The following SPIDR variants were observed in gnomAD, a reference collection of about 807,000 sequenced individuals.
The protein encoded by SPIDR is DNA repair-scaffolding protein.
A neutral mutation model predicts 104.6 loss-of-function variants in SPIDR; 93 were observed. That is an observed-to-expected ratio of 0.89 (90% CI 0.75 to 1.06). The LOEUF is 1.06. SPIDR is among the 50% of genes least tolerant of loss of function. The pLI is 0.00. For synonymous variants in SPIDR, 431 were observed against 416.9 expected, an observed-to-expected ratio of 1.03 and a Z score of -0.41; for missense variants, 1,154 against 1,111.2, an observed-to-expected ratio of 1.04 and a Z score of -0.55.
chr8:47,611,766 A>G (rs992303028), intron 10 of SPIDR, among the ~76,000 whole-genome samples: 1 of 152,276 alleles, frequency 6.6e-6, no homozygotes. Flanking sequence ...ATTACAATTA[A>G]TATAGAACTG....
Position 47,673,793 on chromosome 8 carries a change from T to G in SPIDR, c.1545-8T>G, listed in dbSNP as rs761541007. 1 of 1,614,094 alleles carries G rather than the reference T, an allele frequency of 6.2e-7. No homozygotes were observed. On this transcript the variant is annotated splice_polypyrimidine_tract_variant and splice_region_variant and intron_variant, in intron 10 of 19. Transcript: ENST00000297423. ...TCCTCAAAGACAAATGTGAATGGTTTTTTACAGAGCCTGCCTTCTGGTACA... is the reference window on the plus strand; with the variant it reads ...TCCTCAAAGACAAATGTGAATGGTTGTTTACAGAGCCTGCCTTCTGGTACA...
intron 8 of SPIDR, among the ~76,000 whole-genome samples, chr8:47,471,325 C>CAAAA (rs35332610): frequency 1.8e-5 from 2 of 110,726 alleles, no homozygotes; most frequent in Non-Finnish European, 1.8e-5. Flanking sequence ...AATTCAATGT[C>CAAAA]AAAAAAAAAA....
chr8:47,629,590 T>A (rs1319864640), intron 10 of SPIDR, among the ~76,000 whole-genome samples: 1 of 152,140 alleles, frequency 6.6e-6, no homozygotes, highest in Non-Finnish European at 1.5e-5. Context: ...CCTTCTCTAC[T>A]AAAGATACAA....
intron 11 of SPIDR, among the ~76,000 whole-genome samples, chr8:47,697,013 C>T (rs878894291): frequency 1.3e-5 from 2 of 152,134 alleles, no homozygotes; most frequent in Admixed American, 1.3e-4. Flanking sequence ...CCAGTACAGC[C>T]CAGTCTCAGT....
intron 8 of SPIDR, among the ~76,000 whole-genome samples, chr8:47,492,183 T>A (rs1445984784): frequency 1.3e-5 from 2 of 152,146 alleles, no homozygotes; most frequent in African/African-American, 4.8e-5. Context: ...TGTTCTCTAG[T>A]AGCAAACTCC....
At chr8:47,728,381 G>C (rs577043085) in intron 17 of SPIDR, among the ~76,000 whole-genome samples, 4 of 152,090 alleles carry the variant, frequency 2.6e-5, no homozygotes, top group African/African-American at 9.6e-5. Flanking sequence ...AGGTTGCAGT[G>C]AGCCGAAATC....
intron 8 of SPIDR, among the ~76,000 whole-genome samples, chr8:47,467,194 A>T (rs1013307737): frequency 6.6e-6 from 1 of 152,146 alleles, no homozygotes; most frequent in Non-Finnish European, 1.5e-5. Flanking sequence ...CAGACCAGTA[A>T]TGAGCTCCAA....
At chr8:47,279,732 A>G in intron 1 of SPIDR, 130 bp from the exon 2 acceptor site, 1 of 865,940 alleles carries the variant, frequency 1.2e-6, no homozygotes, top group Non-Finnish European at 1.7e-6. Context: ...ATTTAGAGAC[A>G]TTCAAAAACT....
intron 8 of SPIDR, among the ~76,000 whole-genome samples, chr8:47,520,534 C>A (rs2083899829): frequency 6.6e-6 from 1 of 152,146 alleles, no homozygotes; most frequent in Admixed American, 6.6e-5. Flanking sequence ...CAATTCCCAC[C>A]CCTTTCAGTC....
At chr8:47,314,468 C>T (rs2044874887) in intron 5 of SPIDR, among the ~76,000 whole-genome samples, 1 of 152,142 alleles carries the variant, frequency 6.6e-6, no homozygotes, top group Admixed American at 6.5e-5. Context: ...TTCAGCATGG[C>T]TGGGGAGGCC....
chr8:47,406,704 C>CA lies in SPIDR; in HGVS notation c.777-1156dup, dbSNP rs527532710. On this transcript the variant is annotated intron_variant, in intron 6 of 19. Coordinates refer to ENST00000297423, the MANE Select transcript of SPIDR (RefSeq NM_001080394.4). ...CTGCAAGTGAAAAACATAACAAAAA[C>CA]AGTTACACCAATCATGGGCATTTTT... Among the ~76,000 whole-genome samples, 14 of 152,216 alleles carry CA rather than the reference C, an allele frequency of 9.2e-5. No individual in the cohort carries two copies. The East Asian group carries it at 2.3e-3, about 25-fold the overall frequency.
At chr8:47,289,262 A>C (rs1057221467) in intron 3 of SPIDR, among the ~76,000 whole-genome samples, 2 of 151,986 alleles carry the variant, frequency 1.3e-5, no homozygotes, top group Non-Finnish European at 2.9e-5. Context: ...ACTGTATCAG[A>C]GGGGTTCTGT....
intron 7 of SPIDR, among the ~76,000 whole-genome samples, chr8:47,429,570 G>A (rs1204423581): frequency 6.6e-6 from 1 of 152,098 alleles, no homozygotes; most frequent in Non-Finnish European, 1.5e-5. Flanking sequence ...AGATGTATAG[G>A]GCATCCCTGA....
intron 1 of SPIDR, among the ~76,000 whole-genome samples, chr8:47,263,484 AT>A (rs1484537103): frequency 1.3e-5 from 2 of 151,880 alleles, no homozygotes; most frequent in Admixed American, 6.6e-5. Context: ...CACCGGGCTA[AT>A]TTTTTTTAAA....
intron 1 of SPIDR, among the ~76,000 whole-genome samples, chr8:47,263,260 C>A (rs2032987499): frequency 6.6e-6 from 1 of 152,242 alleles, no homozygotes; most frequent in South Asian, 2.1e-4. Flanking sequence ...TATTCCTTTA[C>A]AGCTTTGCTC....
intron 8 of SPIDR, chr8:47,547,024 C>A: frequency 2.0e-6 from 1 of 497,694 alleles, no homozygotes; most frequent in Non-Finnish European, 3.9e-6. Flanking sequence ...CCAGTTCTTC[C>A]CAAGTTAGCA....
At chr8:47,449,182 A>T (rs2071238540) in intron 8 of SPIDR, among the ~76,000 whole-genome samples, 1 of 152,122 alleles carries the variant, frequency 6.6e-6, no homozygotes, top group Non-Finnish European at 1.5e-5. Flanking sequence ...GATGGGTTTG[A>T]TGTGGTATTT....
intron 5 of SPIDR, among the ~76,000 whole-genome samples, chr8:47,319,969 G>C (rs1269840511): frequency 6.6e-6 from 1 of 151,678 alleles, no homozygotes; most frequent in Non-Finnish European, 1.5e-5. Flanking sequence ...GAAATTTATA[G>C]CACTAAATGC....
At position 47,712,784 on chromosome 8, in the gene SPIDR, C is replaced by T; in HGVS notation, c.2100C>T (p.Pro700=). The change falls in exon 15 of 20, where the codon CCC becomes CCT. Residue 700 remains proline (P), a synonymous_variant. Coordinates refer to ENST00000297423, the MANE Select transcript of SPIDR (RefSeq NM_001080394.4). ...AAACCCTGCTGGTCTATGTGGCCCC[C>T]TTGTGTGTGCTGGGCTCTGAAGTCC... is the stretch of plus-strand genomic sequence containing the variant. ...LPKTLLVYVA[P]LCVLGSEVLE... 6.2e-7 allele frequency: 1 copy of T among 1,614,158 alleles called. No homozygotes were observed. Among genetic ancestry groups the T allele is most frequent in the East Asian group, 2.2e-5 (1 of 44,870 alleles).
Sources: gnomAD v4.1 joint callset for allele counts (sites outside exome capture counted in the v4.1 genomes callset) on GRCh38, gnomAD v4.1.1 for gene constraint, MANE v1.5 for transcripts, NCBI Gene and HGNC (gene_info 2026-07-23, HGNC 2026-07-21) for gene names.